The following ESR1 variants were observed in gnomAD, a reference collection of about 807,000 sequenced individuals.
ESR1 encodes the protein estrogen receptor.
ESR1 carries 12 observed loss-of-function variants against 52.7 expected under a neutral mutation model. The observed-to-expected ratio is 0.23, with a 90% CI of 0.15 to 0.37. The LOEUF (loss-of-function observed/expected upper bound fraction) is 0.37. Ranked by LOEUF, ESR1 falls within the 10% of genes least tolerant of loss-of-function variation. ESR1 has a pLI of 1.00. For missense variants in ESR1, 584 were observed against 779.7 expected, an observed-to-expected ratio of 0.75 and a Z score of 2.99; for synonymous variants, 305 against 316.8, an observed-to-expected ratio of 0.96 and a Z score of 0.39.
chr6:151,716,570 C>A (rs374094819), intron 2 of ESR1, among the ~76,000 whole-genome samples: 1 of 152,182 alleles, frequency 6.6e-6, no homozygotes, highest in African/African-American at 2.4e-5. Context: ...GCTACAGCAG[C>A]TTTGCTGAGC....
intron 2 of ESR1, among the ~76,000 whole-genome samples, chr6:151,871,689 G>C (rs533393531): frequency 2.6e-5 from 4 of 152,176 alleles, no homozygotes; most frequent in Non-Finnish European, 4.4e-5. Context: ...ACAGGCATGA[G>C]CCACTGTGCC....
chr6:152,091,675 T>C (rs1047883549), intron 6 of ESR1, among the ~76,000 whole-genome samples: 1 of 151,986 alleles, frequency 6.6e-6, no homozygotes, highest in Non-Finnish European at 1.5e-5. Flanking sequence ...TTGACCTCCA[T>C]TGGCAAGGTC....
intron 2 of ESR1, among the ~76,000 whole-genome samples, chr6:151,793,762 G>A (rs1031878258): frequency 6.6e-6 from 1 of 152,166 alleles, no homozygotes; most frequent in Non-Finnish European, 1.5e-5. Flanking sequence ...ATGTGCCCAG[G>A]CAGTGTGCTA....
At chr6:152,084,270 CA>C (rs1450969790) in intron 6 of ESR1, among the ~76,000 whole-genome samples, 2 of 129,178 alleles carry the variant, frequency 1.5e-5, no homozygotes, top group Admixed American at 8.8e-5. Context: ...CGGGGCCTGT[CA>C]GGGGTTGGGG....
chr6:151,882,761 GT>G (rs35507697), intron 3 of ESR1, among the ~76,000 whole-genome samples: 4,468 of 145,462 alleles, frequency 0.031, 217 homozygotes, highest in African/African-American at 0.1. Flanking sequence ...AACCGATTCT[GT>G]TTTTTTTTTT....
chr6:151,864,262 C>T (rs1482359976), intron 2 of ESR1, among the ~76,000 whole-genome samples: 2 of 152,168 alleles, frequency 1.3e-5, no homozygotes, highest in African/African-American at 2.4e-5. Flanking sequence ...GGAACCCCAT[C>T]AACAAGTGGG....
intron 2 of ESR1, among the ~76,000 whole-genome samples, chr6:151,751,045 A>T (rs1426318336): frequency 6.6e-6 from 1 of 152,246 alleles, no homozygotes; most frequent in Non-Finnish European, 1.5e-5. Flanking sequence ...TTAAAACAGC[A>T]TTTGATAGAC....
At chr6:151,672,768 C>CG (rs1778113627) in intron 1 of ESR1, among the ~76,000 whole-genome samples, 2 of 151,504 alleles carry the variant, frequency 1.3e-5, no homozygotes, top group African/African-American at 2.4e-5. Context: ...CCACCATGCC[C>CG]GCCCTAAACC....
At chr6:151,710,057 A>G (rs191032724) in intron 2 of ESR1, among the ~76,000 whole-genome samples, 104 of 152,098 alleles carry the variant, frequency 6.8e-4, no homozygotes, top group Admixed American at 2.1e-3. Context: ...AATTGTTTAA[A>G]CATCACATGT....
At chr6:151,907,947 AT>A (rs1359944625) in intron 3 of ESR1, among the ~76,000 whole-genome samples, 10 of 152,182 alleles carry the variant, frequency 6.6e-5, no homozygotes, top group African/African-American at 2.4e-4. Flanking sequence ...GTATTTAAGC[AT>A]TTTAAGTTAT....
chr6:152,011,054 A>G (rs534870768), intron 4 of ESR1, among the ~76,000 whole-genome samples: 1 of 152,124 alleles, frequency 6.6e-6, no homozygotes, highest in African/African-American at 2.4e-5. Context: ...AAACAAGAAC[A>G]CATTTTGGTG....
chr6:151,730,871 T>C (rs1782187522), intron 2 of ESR1, among the ~76,000 whole-genome samples: 1 of 152,228 alleles, frequency 6.6e-6, no homozygotes, highest in South Asian at 2.1e-4. Flanking sequence ...TAATATGTCA[T>C]TAAATTAAAT....
chr6:151,735,586 G>A (rs112805991), intron 2 of ESR1, among the ~76,000 whole-genome samples: 1 of 151,726 alleles, frequency 6.6e-6, no homozygotes, highest in African/African-American at 2.4e-5. Context: ...CATTTCAATA[G>A]CTTTAGGGGT....
intron 2 of ESR1, among the ~76,000 whole-genome samples, chr6:151,872,275 C>T (rs1040897530): frequency 5.9e-5 from 9 of 152,140 alleles, no homozygotes; most frequent in South Asian, 4.1e-4. Flanking sequence ...TTGTTCCATA[C>T]GACTTCTTGC....
chr6:152,069,105 G>A lies in ESR1; in HGVS notation c.1369+7981G>A, dbSNP rs560003969. On this transcript the variant is annotated intron_variant, in intron 6 of 7. Transcript: ENST00000206249. ...TAACAGACCAGTACACCAAACAGCA[G>A]GAGCTGTAGCAGAGAAAGAGTTTAA... Among the ~76,000 whole-genome samples the A allele has an allele frequency of 4.4e-5, 6 of 137,346 alleles. 1 individual carries two copies. Among genetic ancestry groups the A allele is most frequent in the Admixed American group, 2.0e-4 (3 of 14,782 alleles). 90.1% of individuals were successfully genotyped at this position (137,346 alleles called of 152,430 possible).
At chr6:151,723,340 T>A (rs1583021236) in intron 2 of ESR1, among the ~76,000 whole-genome samples, 2 of 152,200 alleles carry the variant, frequency 1.3e-5, no homozygotes, top group South Asian at 4.1e-4. Flanking sequence ...GGAAATTTAG[T>A]TTCCTCAGTC....
chr6:152,004,140 C>T (rs944416596), intron 4 of ESR1, among the ~76,000 whole-genome samples: 9 of 151,860 alleles, frequency 5.9e-5, no homozygotes. Flanking sequence ...TAATCAAATA[C>T]TAGTGGGTGA....
intron 6 of ESR1, among the ~76,000 whole-genome samples, chr6:152,084,954 G>T (rs1367504772): frequency 6.6e-6 from 1 of 152,208 alleles, no homozygotes; most frequent in African/African-American, 2.4e-5. Flanking sequence ...CACTATAGCT[G>T]ATAGGATGCA....
At chr6:151,751,491 G>A (rs934445440) in intron 2 of ESR1, among the ~76,000 whole-genome samples, 1 of 152,132 alleles carries the variant, frequency 6.6e-6, no homozygotes, top group African/African-American at 2.4e-5. Flanking sequence ...TGACAGCAAT[G>A]GTGCTCCGAT....
Sources: allele counts gnomAD v4.1 joint callset (sites outside exome capture counted in the v4.1 genomes callset), GRCh38; gene constraint gnomAD v4.1.1; transcripts MANE v1.5; gene names NCBI Gene and HGNC (gene_info 2026-07-23, HGNC 2026-07-21).